Variants in ECE2 observed in about 807,000 individuals in gnomAD.
The protein encoded by ECE2 is endothelin-converting enzyme 2.
In ECE2, 81 loss-of-function variants were observed where a neutral mutation model predicts 100.6. That is an observed-to-expected ratio of 0.81 (90% CI 0.67 to 0.97). The LOEUF is 0.97. Among genes scored for constraint, ECE2 ranks in the 50% least tolerant of loss-of-function variants. ECE2 has a pLI of 0.00. For missense variants in ECE2, 911 were observed against 988.1 expected (o/e 0.92, Z 1.05); for synonymous variants, 391 against 391.5 (o/e 1.00, Z 0.02).
Position 184,290,556 on chromosome 3 carries a change from G to A in ECE2, c.1656-1G>A. ...TCAGCCCCTCACTCTTCCTCCGCCA[G>A]GTGGAGCATGACCCCCCAGACAGTG... On this transcript the variant is annotated splice_acceptor_variant, in intron 14 of 18. Coordinates refer to ENST00000404464, the MANE Select transcript of ECE2 (RefSeq NM_001100121.2). LOFTEE classifies it high-confidence loss of function. 6.2e-7 allele frequency: 1 copy of A among 1,613,894 alleles called. No individual in the cohort carries two copies. The highest frequency in any genetic ancestry group is 8.5e-7 in the Non-Finnish European group (1 of 1,179,828).
intron 11 of ECE2, 131 bp downstream of exon 11, chr3:184,288,078 A>C (rs1288367120): frequency 2.8e-6 from 2 of 726,612 alleles, no homozygotes; most frequent in African/African-American, 3.6e-5. Context: ...TGGGAGGCCA[A>C]GGCGGGTGAA....
Position 184,291,351 on chromosome 3 carries a change from A to G in ECE2, c.2033A>G (p.Lys678Arg), listed in dbSNP as rs1297553589. ...CCACTGTTCTGTCCCCAGGCTTACAAAGCATGGCTGAGAAAGCATGGGGAG... is the reference window on the plus strand; with the variant it reads ...CCACTGTTCTGTCCCCAGGCTTACAGAGCATGGCTGAGAAAGCATGGGGAG... The part of the protein sequence containing the change: ...GGLKAAYNAY[K>R]AWLRKHGEEQ... Residue 678 changes from lysine (K) to arginine (R), a missense_variant, in exon 18 of 19, where the codon AAA becomes AGA. Coordinates refer to ENST00000404464, the MANE Select transcript of ECE2 (RefSeq NM_001100121.2). The surrounding 1 kb of genome is among the most constrained non-coding windows in gnomAD (Gnocchi z 4.1). 3.1e-6 allele frequency: 5 copies of G among 1,607,104 alleles called. No individual in the cohort carries two copies. The highest frequency in any genetic ancestry group is 3.4e-6 in the Non-Finnish European group (4 of 1,176,262).
chr3:184,276,875 C>G lies in ECE2; in HGVS notation c.127-17C>G. On this transcript the variant is annotated splice_polypyrimidine_tract_variant and intron_variant, in intron 2 of 18. Coordinates refer to ENST00000404464, the MANE Select transcript of ECE2 (RefSeq NM_001100121.2). ...GCCCTGCATCTCAGTCACTCTCTGT[C>G]CCCCTGTGTTCCCCAGGTGGGATTC... 2 of 1,613,606 alleles carry G rather than the reference C, an allele frequency of 1.2e-6. No homozygotes were observed. The highest frequency in any genetic ancestry group is 2.7e-5 in the African/African-American group (2 of 75,038).
rs1721342993 is a variant in ECE2, at chr3:184,291,913, T to C, written c.2122-149T>C. Reference sequence around the variant, plus strand: ...CTTTTTCCCCTCGTCATGTCCATGCTGGGCAACCCGATGTCCAGGGCAGTT... The same window carrying C: ...CTTTTTCCCCTCGTCATGTCCATGCCGGGCAACCCGATGTCCAGGGCAGTT... On this transcript the variant is annotated intron_variant, in intron 18 of 18. Transcript: ENST00000404464. This position sits in a 1 kb window ranked among gnomAD's most constrained non-coding sequence, Gnocchi z 4.1. 1.2e-6 allele frequency: 1 copy of C among 861,026 alleles called. No individual in the cohort carries two copies. Among genetic ancestry groups the C allele is most frequent in the Admixed American group, 2.8e-5 (1 of 36,160 alleles). 53.3% of individuals were successfully genotyped at this position (861,026 alleles called of 1,614,324 possible).
rs757968578 is a variant in ECE2, at chr3:184,291,087, G to A, written c.1882G>A (p.Glu628Lys). The change falls in exon 17 of 19, where the codon GAG becomes AAG. Residue 628 changes from glutamate (E) to lysine (K), a missense_variant. Coordinates refer to ENST00000404464, the MANE Select transcript of ECE2 (RefSeq NM_001100121.2). The surrounding 1 kb of genome is among the most constrained non-coding windows in gnomAD (Gnocchi z 4.1). Reference sequence around the variant, plus strand: ...GAACCTGCGGCCCTGGTGGCAGAATGAGTCCCTGGCAGCCTTCCGGAACCA... The same window carrying A: ...GAACCTGCGGCCCTGGTGGCAGAATAAGTCCCTGGCAGCCTTCCGGAACCA... The part of the protein sequence containing the change: ...EGNLRPWWQN[E>K]SLAAFRNHTA... 1.3e-6 allele frequency: 2 copies of A among 1,592,190 alleles called. No individual in the cohort carries two copies. Among genetic ancestry groups the A allele is most frequent in the East Asian group, 2.2e-5 (1 of 44,584 alleles).
chr3:184,285,440 C>G (rs761422226), intron 9 of ECE2, 38 bp from the exon 10 acceptor site: 4 of 1,472,720 alleles, frequency 2.7e-6, no homozygotes. Context: ...GAAGGGCATC[C>G]CACCTGCCCT....
Position 184,283,855 on chromosome 3 carries a change from G to A in ECE2, c.887G>A (p.Arg296Lys). 2 of 1,613,940 alleles carry A rather than the reference G, an allele frequency of 1.2e-6. No homozygotes were observed. The highest frequency in any genetic ancestry group is 1.7e-6 in the Non-Finnish European group (2 of 1,180,002). ...CTGGGTGGGCGGCCCACCTCCACGA[G>A]GGAGCAGATGCAGCAGGTGCTGGAG... is the stretch of plus-strand genomic sequence containing the variant. Reference protein sequence around the residue: ...MLLGGRPTSTREQMQQVLELE... With the variant: ...MLLGGRPTSTKEQMQQVLELE... Residue 296 changes from arginine to lysine, a missense_variant, in exon 8 of 19, where the codon AGG becomes AAG. Arg to Lys is a conservative substitution (Grantham distance 26). Transcript: ENST00000404464.
chr3:184,283,729 C>A lies in ECE2; in HGVS notation c.817-56C>A. On this transcript the variant is annotated intron_variant, in intron 7 of 18. Coordinates refer to ENST00000404464, the MANE Select transcript of ECE2 (RefSeq NM_001100121.2). ...GGCAGAGGTGGTGGTAAGAACAGAT[C>A]TCAGCCTTGGGCAGGACTTGTTGCT... 3.2e-6 allele frequency: 5 copies of A among 1,573,778 alleles called. No homozygotes were observed. In the East Asian group the frequency reaches 1.1e-4, roughly 36 times the overall value.
chr3:184,290,524 G>A (rs371679808), intron 14 of ECE2, 33 bp from the exon 15 acceptor site: 105 of 1,602,614 alleles, frequency 6.6e-5, no homozygotes, highest in African/African-American at 4.3e-4. Flanking sequence ...CAGGAGAGTC[G>A]GGAGCCTCAG....
rs766891632 is a variant in ECE2, at chr3:184,289,645, A to T, written c.1478A>T (p.Asp493Val). The change falls in exon 13 of 19, where the codon GAT (aspartate) becomes GTT (valine). Residue 493 changes from aspartate (D) to valine (V), a missense_variant. Asp to Val is a radical substitution (Grantham distance 152). Transcript: ENST00000404464. This position sits in a 1 kb window ranked among gnomAD's most constrained non-coding sequence, Gnocchi z 4.1. ...KTRQAAKEKA[D>V]AIYDMIGFPD... ...CCCTTAACCTGGTCTCTTCAGGCAG[A>T]TGCCATCTATGATATGATTGGTTTC... 1.9e-6 allele frequency: 3 copies of T among 1,613,654 alleles called. No individual in the cohort carries two copies. The highest frequency in any genetic ancestry group is 2.2e-5 in the South Asian group (2 of 91,022).
chr3:184,283,369 TG>T (rs1720884807), intron 7 of ECE2, among the ~76,000 whole-genome samples: 1 of 151,708 alleles, frequency 6.6e-6, no homozygotes, highest in Admixed American at 6.6e-5. Context: ...GAGACCAGCC[TG>T]GCTAACATGG....
At chr3:184,285,620 T>C in intron 10 of ECE2, 28 bp downstream of exon 10, 1 of 1,499,458 alleles carries the variant, frequency 6.7e-7, no homozygotes, top group South Asian at 1.1e-5. Flanking sequence ...GCCTCCACGT[T>C]CTGATCCAGT....
At chr3:184,281,716 G>A (rs1396051802) in intron 7 of ECE2, among the ~76,000 whole-genome samples, 2 of 152,250 alleles carry the variant, frequency 1.3e-5, no homozygotes, top group Admixed American at 1.3e-4. Context: ...ACTTCGGTTT[G>A]GCTGTCAGCA....
intron 11 of ECE2, among the ~76,000 whole-genome samples, chr3:184,288,927 C>T (rs750493586): frequency 7.2e-5 from 11 of 152,048 alleles, no homozygotes; most frequent in East Asian, 1.9e-4. Context: ...GAGGCTGAGG[C>T]GGGTGGATCA....
intron 7 of ECE2, among the ~76,000 whole-genome samples, chr3:184,279,241 C>T (rs1238757278): frequency 1.0e-4 from 13 of 129,758 alleles, no homozygotes; most frequent in African/African-American, 1.5e-4. Context: ...ACCTGGGAGG[C>T]GGAGGTTGCA....
Position 184,291,561 on chromosome 3 carries a change from T to C in ECE2, c.2121+122T>C, listed in dbSNP as rs1365664521. 2 of 1,016,080 alleles carry C rather than the reference T, an allele frequency of 2.0e-6. No individual in the cohort carries two copies. Among genetic ancestry groups the C allele is most frequent in the Non-Finnish European group, 2.8e-6 (2 of 721,008 alleles). 62.9% of individuals were successfully genotyped at this position (1,016,080 alleles called of 1,614,324 possible). On this transcript the variant is annotated intron_variant, in intron 18 of 18. Transcript: ENST00000404464. This position sits in a 1 kb window ranked among gnomAD's most constrained non-coding sequence, Gnocchi z 4.1. ...GGTGAATGGGGCTGAGGCTGGGGCA[T>C]GAAAGGTGGGCTGGGAAGGCCCATG...
At position 184,291,098 on chromosome 3, in the gene ECE2, A is replaced by C. The variant is rs754697922; in HGVS notation, c.1893A>C (p.Ala631=). ...LRPWWQNESL[A]AFRNHTACME... ...CCTGGTGGCAGAATGAGTCCCTGGC[A>C]GCCTTCCGGAACCACACGGCCTGCA... The change falls in exon 17 of 19, where the codon GCA becomes GCC. Residue 631 remains alanine, a synonymous_variant. Transcript: ENST00000404464. This position sits in a 1 kb window ranked among gnomAD's most constrained non-coding sequence, Gnocchi z 4.1. The C allele has an allele frequency of 6.2e-7, 1 of 1,600,828 alleles. No individual in the cohort carries two copies. Among genetic ancestry groups the C allele is most frequent in the South Asian group, 1.1e-5 (1 of 89,722 alleles).
chr3:184,291,830 C>G lies in ECE2; in HGVS notation c.2122-232C>G. ...CCCAGGAATAGAGTAAGTGGCAGAG[C>G]AAGGACCCAGGCAGAGCCTCCGCTG... On this transcript the variant is annotated intron_variant, in intron 18 of 18. Coordinates refer to ENST00000404464, the MANE Select transcript of ECE2 (RefSeq NM_001100121.2). This position sits in a 1 kb window ranked among gnomAD's most constrained non-coding sequence, Gnocchi z 4.1. 2 of 570,834 alleles carry G rather than the reference C, an allele frequency of 3.5e-6. No individual in the cohort carries two copies. The highest frequency in any genetic ancestry group is 6.2e-6 in the Non-Finnish European group (2 of 324,122). 35.4% of individuals were successfully genotyped at this position (570,834 alleles called of 1,614,324 possible).
At position 184,291,520 on chromosome 3, in the gene ECE2, A is replaced by G. The variant is rs1721319998; in HGVS notation, c.2121+81A>G. ...TATGTCATTAGGAGAACTCTGGGGC[A>G]CGTGTCAAACGGGCTGGTGAATGGG... On this transcript the variant is annotated intron_variant, in intron 18 of 18. Transcript: ENST00000404464. The surrounding 1 kb of genome is among the most constrained non-coding windows in gnomAD (Gnocchi z 4.1). The G allele has an allele frequency of 3.9e-6, 5 of 1,289,082 alleles. No homozygotes were observed. The highest frequency in any genetic ancestry group is 4.2e-6 in the Non-Finnish European group (4 of 953,730). The allele number at this position is 1,289,082 out of a possible 1,614,324, so 79.9% of individuals were successfully genotyped here. A position where few individuals can be genotyped will look rare whatever the true frequency, so the allele number is the denominator to read the frequency against.
Sources: gnomAD v4.1 joint callset for allele counts (sites outside exome capture counted in the v4.1 genomes callset) on GRCh38, gnomAD v4.1.1 for gene constraint, Gnocchi (gnomAD v3.1) non-coding constraint, MANE v1.5 for transcripts, NCBI Gene and HGNC (gene_info 2026-07-23, HGNC 2026-07-21) for gene names.